The following TENM4 variants were observed in gnomAD, a reference collection of about 807,000 sequenced individuals.
The protein encoded by TENM4 is teneurin-4.
A neutral mutation model predicts 243.3 loss-of-function variants in TENM4; 82 were observed. The ratio of observed to expected loss-of-function variants is 0.34; its 90% confidence interval spans 0.28 to 0.40. The LOEUF (loss-of-function observed/expected upper bound fraction) is 0.40, where lower values mean the gene tolerates loss of function less well. Among genes scored for constraint, TENM4 ranks in the 10% least tolerant of loss-of-function variants. The pLI, the probability that TENM4 is intolerant of heterozygous loss-of-function variation, is 1.00. For missense variants in TENM4, 3,138 were observed against 3,673.3 expected, an observed-to-expected ratio of 0.85 and a Z score of 3.77; for synonymous variants, 1,412 against 1,456.3, an observed-to-expected ratio of 0.97 and a Z score of 0.69.
chr11:78,687,932 G>A (rs75494168), intron 29 of TENM4, 122 bp downstream of exon 29: 61 of 1,163,612 alleles, frequency 5.2e-5, no homozygotes, highest in Non-Finnish European at 6.9e-5. Flanking sequence ...ATAATACAGA[G>A]AGTTGCAATG....
At chr11:79,223,316 G>A (rs1471566077) in intron 2 of TENM4, among the ~76,000 whole-genome samples, 1 of 152,158 alleles carries the variant, frequency 6.6e-6, no homozygotes, top group Non-Finnish European at 1.5e-5. Flanking sequence ...TATGCTATCT[G>A]TGGAGAATTT....
intron 1 of TENM4, among the ~76,000 whole-genome samples, chr11:79,394,092 C>A (rs777264430): frequency 6.6e-6 from 1 of 152,176 alleles, no homozygotes; most frequent in South Asian, 2.1e-4. Context: ...ACCTCACCTG[C>A]GGAAATGCCC....
chr11:79,102,634 T>G (rs1385980501), intron 4 of TENM4, among the ~76,000 whole-genome samples: 2 of 152,338 alleles, frequency 1.3e-5, no homozygotes, highest in East Asian at 3.9e-4. Context: ...GTAAGCACCA[T>G]GGTCATTGCT....
chr11:79,386,475 G>T (rs1239422979), intron 1 of TENM4, among the ~76,000 whole-genome samples: 1 of 151,656 alleles, frequency 6.6e-6, no homozygotes, highest in East Asian at 1.9e-4. Context: ...TAATAAAAAG[G>T]CCACAGAATG....
At chr11:78,722,009 G>T (rs1184756455) in intron 24 of TENM4, among the ~76,000 whole-genome samples, 1 of 152,144 alleles carries the variant, frequency 6.6e-6, no homozygotes, top group Non-Finnish European at 1.5e-5. Flanking sequence ...TCAGGGTCAG[G>T]ATGGGGAAAG....
At chr11:79,074,022 A>T (rs1387138381) in intron 4 of TENM4, among the ~76,000 whole-genome samples, 2 of 152,202 alleles carry the variant, frequency 1.3e-5, no homozygotes, top group African/African-American at 4.8e-5. Context: ...TTGACTGAAG[A>T]CATTGGCATC....
chr11:78,778,495 AT>A (rs1372295649), intron 17 of TENM4, 106 bp downstream of exon 17: 2 of 1,230,700 alleles, frequency 1.6e-6, no homozygotes, highest in Non-Finnish European at 2.3e-6. Context: ...TCCAGACATC[AT>A]GCTTATGTGG....
At position 79,124,887 on chromosome 11, in the gene TENM4, A is replaced by ATGTGTG. The variant is rs750326710; in HGVS notation, c.-66+23822_-66+23823insCACACA. 6.2e-3 allele frequency among the ~76,000 whole-genome samples: 462 copies of ATGTGTG among 74,434 alleles called. 1 individual carries two copies. Among genetic ancestry groups the ATGTGTG allele is most frequent in the Middle Eastern group, 0.016 (2 of 124 alleles). The allele number at this position is 74,434 out of a possible 152,430, so 48.8% of individuals were successfully genotyped here. On this transcript the variant is annotated intron_variant, in intron 4 of 33. Transcript: ENST00000278550. ...TGTATATGTATGTGTATATATGTAT[A>ATGTGTG]TGTATATGTGTGTGTGTGTGTGTGT...
intron 18 of TENM4, among the ~76,000 whole-genome samples, chr11:78,769,564 T>C (rs74636850): frequency 6.6e-6 from 1 of 152,172 alleles, no homozygotes; most frequent in Non-Finnish European, 1.5e-5. Flanking sequence ...AACTCTAAAA[T>C]AAGAACTCTG....
Position 78,661,905 on chromosome 11 carries a change from G to C in TENM4, c.7409-314C>G, listed in dbSNP as rs11822101. 4.6e-3 allele frequency among the ~76,000 whole-genome samples: 699 copies of C among 152,300 alleles called. 8 individuals are homozygous for C. The highest frequency in any genetic ancestry group is 0.016 in the African/African-American group (660 of 41,556). ...TTCATACCCGGGGCAGCTGTTGACA[G>C]ATGAAGATCCCTCCCTTTCACCCCA... On this transcript the variant is annotated intron_variant, in intron 32 of 33. Coordinates refer to ENST00000278550, the MANE Select transcript of TENM4 (RefSeq NM_001098816.3).
At chr11:79,046,127 G>A (rs558238416) in intron 6 of TENM4, among the ~76,000 whole-genome samples, 1 of 152,332 alleles carries the variant, frequency 6.6e-6, no homozygotes, top group South Asian at 2.1e-4. Flanking sequence ...CTTCCCTGTG[G>A]CATCATGCCT....
rs567934418 is a variant in TENM4 at position 79,163,575 on chromosome 11, T to C, written c.-162-14769A>G. 5.9e-5 allele frequency among the ~76,000 whole-genome samples: 9 copies of C among 151,994 alleles called. No homozygotes were observed. In the East Asian group the frequency reaches 1.2e-3, roughly 20 times the overall value. ...CTTTCCCCTGAGTCCCCAAAGTCCA[T>C]TGTACCATTCTTATGCCTTTGCGCC... On this transcript the variant is annotated intron_variant, in intron 3 of 33. Transcript: ENST00000278550.
intron 6 of TENM4, among the ~76,000 whole-genome samples, chr11:79,012,115 A>G (rs969564620): frequency 6.6e-6 from 1 of 152,180 alleles, no homozygotes; most frequent in Non-Finnish European, 1.5e-5. Context: ...CTCCAGAAAA[A>G]TGAGACCGGC....
Position 78,894,266 on chromosome 11 carries a change from C to T in TENM4, c.750-2930G>A, listed in dbSNP as rs2136304089. Among the ~76,000 whole-genome samples the T allele has an allele frequency of 1.3e-5, 2 of 152,248 alleles. 1 individual carries two copies. Among genetic ancestry groups the T allele is most frequent in the East Asian group, 3.9e-4 (2 of 5,176 alleles). On this transcript the variant is annotated intron_variant, in intron 7 of 33. Transcript: ENST00000278550. ...CCGGGACCTGAGGCTGGCTGCATGG[C>T]ATGCTCCCTAGAAGACCTGGGAGTC...
At chr11:78,821,598 A>C (rs1327424668) in intron 12 of TENM4, among the ~76,000 whole-genome samples, 1 of 152,238 alleles carries the variant, frequency 6.6e-6, no homozygotes. Flanking sequence ...CGTTTAAGAC[A>C]CTGATGAGTT....
At chr11:78,879,160 G>C (rs971903411) in intron 9 of TENM4, among the ~76,000 whole-genome samples, 1 of 147,968 alleles carries the variant, frequency 6.8e-6, no homozygotes, top group African/African-American at 2.5e-5. Context: ...CGGCCACCCC[G>C]TCTGGGATGT....
At chr11:79,007,583 TC>T (rs1014913618) in intron 6 of TENM4, among the ~76,000 whole-genome samples, 8 of 152,130 alleles carry the variant, frequency 5.3e-5, no homozygotes, top group African/African-American at 1.9e-4. Flanking sequence ...GGAGACCCTT[TC>T]CTGAGACAAG....
intron 1 of TENM4, among the ~76,000 whole-genome samples, chr11:79,371,241 A>T (rs537812712): frequency 1.3e-5 from 2 of 152,310 alleles, no homozygotes; most frequent in South Asian, 2.1e-4. Context: ...GCAATGTGGC[A>T]CTACCTAGTC....
intron 28 of TENM4, among the ~76,000 whole-genome samples, chr11:78,696,469 C>T (rs183445007): frequency 7.8e-6 from 1 of 128,744 alleles, no homozygotes; most frequent in East Asian, 2.0e-4. Flanking sequence ...TCTTGTGTAG[C>T]ATGGTAGAGC....
Sources: allele counts gnomAD v4.1 joint callset (sites outside exome capture counted in the v4.1 genomes callset), GRCh38; gene constraint gnomAD v4.1.1; transcripts MANE v1.5; gene names NCBI Gene and HGNC (gene_info 2026-07-23, HGNC 2026-07-21).